LRRC49: variants seen among roughly 807,000 people sequenced by gnomAD.
LRRC49 encodes leucine rich repeat containing 49.
LRRC49 carries 50 observed loss-of-function variants against 83.3 expected under a neutral mutation model. The ratio of observed to expected loss-of-function variants is 0.60; its 90% confidence interval spans 0.48 to 0.76. The LOEUF (loss-of-function observed/expected upper bound fraction) is 0.76. Ranked by LOEUF, LRRC49 falls within the 30% of genes least tolerant of loss-of-function variation. The probability of loss-of-function intolerance (pLI) is 0.00; values close to 1 mark genes in which losing one functional copy is unlikely to be tolerated. For synonymous variants in LRRC49, 286 were observed against 283.3 expected, an observed-to-expected ratio of 1.01 and a Z score of -0.10; for missense variants, 704 against 809.1, an observed-to-expected ratio of 0.87 and a Z score of 1.58.
At chr15:70,903,468 A>G (rs150198225) in intron 4 of LRRC49, among the ~76,000 whole-genome samples, 158 of 152,198 alleles carry the variant, frequency 1.0e-3, no homozygotes, top group East Asian at 7.7e-3. Context: ...TTCAGAATCT[A>G]TATTTTTAAA....
chr15:70,994,381 G>C (rs2038005592), intron 11 of LRRC49, among the ~76,000 whole-genome samples: 1 of 152,060 alleles, frequency 6.6e-6, no homozygotes, highest in South Asian at 2.1e-4. Context: ...TTTGTAGTAA[G>C]TTTTCACAAC....
Position 70,911,536 on chromosome 15 carries a change from A to G in LRRC49, c.505A>G (p.Lys169Glu). The G allele has an allele frequency of 6.4e-7, 1 of 1,570,252 alleles. No individual in the cohort carries two copies. The highest frequency in any genetic ancestry group is 8.7e-7 in the Non-Finnish European group (1 of 1,150,582). Residue 169 changes from lysine (K) to glutamate (E), a missense_variant, in exon 6 of 16, where the codon AAG becomes GAG. Lys to Glu is a moderately conservative substitution (Grantham distance 56). Around this residue, in one of 3 missense-constraint regions of LRRC49, gnomAD observed 261 missense variants for 330.5 expected, o/e 0.79. Transcript: ENST00000260382. ...RVLLLGKNRI[K>E]KISNLENLKS... ...TCTACTTATTCTGGTTTTCAGAATC[A>G]AGAAAATCTCAAATCTGGAGAATCT...
Position 71,012,812 on chromosome 15 carries a change from G to A in LRRC49, c.1602G>A (p.Gln534=), listed in dbSNP as rs1439601698. ...CTATTGTGTCTCTTCAGGTGACACA[G>A]AATGATATGATAATGGCTGAAAGGC... ...MQKINGTEVT[Q]NDMIMAERLF... Residue 534 remains glutamine (Q), a synonymous_variant, in exon 14 of 16, where the codon CAG becomes CAA. Coordinates refer to ENST00000260382, the MANE Select transcript of LRRC49 (RefSeq NM_017691.5). 1 of 1,607,320 alleles carries A rather than the reference G, an allele frequency of 6.2e-7. No homozygotes were observed. The highest frequency in any genetic ancestry group is 1.1e-5 in the South Asian group (1 of 90,558).
At chr15:70,994,412 C>T (rs1022980563) in intron 11 of LRRC49, among the ~76,000 whole-genome samples, 40 of 152,084 alleles carry the variant, frequency 2.6e-4, no homozygotes, top group Admixed American at 2.5e-3. Context: ...AATAGGTTTC[C>T]ACTGTTCTTT....
At position 71,049,807 on chromosome 15, in the gene LRRC49, T is replaced by G; in HGVS notation, c.*195T>G. On this transcript the variant is annotated 3_prime_UTR_variant, in exon 16 of 16. Coordinates refer to ENST00000260382, the MANE Select transcript of LRRC49 (RefSeq NM_017691.5). ...GAAAGCAGGAGAAAGGAAGGATTAA[T>G]TGCCTGTATGTGAGGACCAAACAAC... The G allele has an allele frequency of 1.9e-6, 1 of 528,452 alleles. No individual in the cohort carries two copies. Among genetic ancestry groups the G allele is most frequent in the Non-Finnish European group, 3.3e-6 (1 of 301,766 alleles). 32.7% of individuals were successfully genotyped at this position (528,452 alleles called of 1,614,324 possible). A position where few individuals can be genotyped will look rare whatever the true frequency, so the allele number is the denominator to read the frequency against.
chr15:70,854,657 G>C (rs1336112741), intron 1 of LRRC49, among the ~76,000 whole-genome samples: 3 of 152,246 alleles, frequency 2.0e-5, no homozygotes, highest in Middle Eastern at 3.4e-3. Flanking sequence ...AGGAGGTCAG[G>C]GGCTTGGCTC....
At chr15:70,892,565 A>T, upstream of LRRC49, 1 of 1,490,778 alleles carries the variant, frequency 6.7e-7, no homozygotes, top group Non-Finnish European at 8.9e-7. Flanking sequence ...CGTAAAGAGG[A>T]ACGGACCGGA....
chr15:70,892,248 GGGCGGCCACACAACGGGCCGGCAT>G (rs1567038397), upstream of LRRC49: 9 of 1,581,020 alleles, frequency 5.7e-6, no homozygotes, highest in Admixed American at 7.2e-5. Flanking sequence ...TTGCCGCAGT[GGGCGGCCACACAACGGGCCGGCAT>G]GGCGGCCGTC....
Position 71,051,996 on chromosome 15 carries a change from C to T in LRRC49, c.*2384C>T, listed in dbSNP as rs1007039139. The T allele has an allele frequency of 3.9e-5, 6 of 152,108 alleles. No individual in the cohort carries two copies. The highest frequency in any genetic ancestry group is 2.1e-4 in the South Asian group (1 of 4,782). The allele number at this position is 152,108 out of a possible 1,614,324, so 9.4% of individuals were successfully genotyped here. On this transcript the variant is annotated 3_prime_UTR_variant, in exon 16 of 16. Transcript: ENST00000260382. ...AATCCTTACTTTGTCGGGTCTCAAA[C>T]GTCGAATGGCGATCCTCCCATCTAG...
At chr15:70,936,146 T>G (rs1303676580) in intron 7 of LRRC49, among the ~76,000 whole-genome samples, 1 of 152,154 alleles carries the variant, frequency 6.6e-6, no homozygotes, top group Non-Finnish European at 1.5e-5. Context: ...ATAAATATAA[T>G]AGGGTAGATT....
chr15:70,892,165 G>A (rs773521248), upstream of LRRC49: 4 of 1,612,162 alleles, frequency 2.5e-6, no homozygotes, highest in Non-Finnish European at 3.4e-6. Context: ...AACCCCGCAC[G>A]AAGCGGTCCC....
chr15:70,887,702 C>G (rs545029920), upstream of LRRC49, among the ~76,000 whole-genome samples: 30 of 152,096 alleles, frequency 2.0e-4, no homozygotes, highest in Non-Finnish European at 4.3e-4. Context: ...AAGGATTCCC[C>G]TCACCTCTTC....
chr15:71,036,403 A>T (rs556923580), intron 14 of LRRC49, among the ~76,000 whole-genome samples: 1 of 152,248 alleles, frequency 6.6e-6, no homozygotes, highest in African/African-American at 2.4e-5. Flanking sequence ...TTATTGTGTT[A>T]TACTTTTAGA....
chr15:70,943,148 T>G (rs1033297593), intron 8 of LRRC49, among the ~76,000 whole-genome samples: 1 of 152,168 alleles, frequency 6.6e-6, no homozygotes, highest in African/African-American at 2.4e-5. Context: ...AGAATCAGGT[T>G]GATCCTGTTG....
At chr15:70,958,530 A>G (rs936851429) in intron 8 of LRRC49, among the ~76,000 whole-genome samples, 13 of 152,340 alleles carry the variant, frequency 8.5e-5, no homozygotes, top group African/African-American at 3.1e-4. Flanking sequence ...GTACACAACT[A>G]TGGGGGAAGG....
chr15:70,984,448 A>G, intron 11 of LRRC49, 191 bp downstream of exon 11: 1 of 477,380 alleles, frequency 2.1e-6, no homozygotes, highest in Non-Finnish European at 3.6e-6. Context: ...AACATGCTTC[A>G]TAGGGCATTT....
At chr15:70,895,167 C>A (rs1037951367) in intron 2 of LRRC49, among the ~76,000 whole-genome samples, 3 of 152,070 alleles carry the variant, frequency 2.0e-5, no homozygotes, top group Non-Finnish European at 4.4e-5. Flanking sequence ...TTAATTAATT[C>A]AAGATACATA....
intron 1 of LRRC49, among the ~76,000 whole-genome samples, chr15:70,872,223 G>A (rs1327760181): frequency 4.6e-5 from 7 of 152,214 alleles, no homozygotes; most frequent in Admixed American, 2.6e-4. Flanking sequence ...GCGAAACCCC[G>A]TCTCCACCAA....
chr15:70,974,720 T>TAAAAAA (rs1343976655), intron 9 of LRRC49, among the ~76,000 whole-genome samples: 2 of 129,160 alleles, frequency 1.5e-5, no homozygotes. Flanking sequence ...CAAAGCATTG[T>TAAAAAA]AAAAAAAAAA....
Sources: allele counts gnomAD v4.1 joint callset (sites outside exome capture counted in the v4.1 genomes callset), GRCh38; gene constraint gnomAD v4.1.1; regional missense constraint gnomAD v4.1.1; transcripts MANE v1.5; gene names NCBI Gene and HGNC (gene_info 2026-07-23, HGNC 2026-07-21).